Variants in ADARB2 observed in about 807,000 individuals in gnomAD.
ADARB2 encodes inactive double-stranded RNA-specific editase B2.
ADARB2 carries 25 observed loss-of-function variants against 62.2 expected under a neutral mutation model. The observed-to-expected ratio is 0.40, with a 90% confidence interval of 0.29 to 0.56. The LOEUF is 0.56. Ranked by LOEUF, ADARB2 falls within the 20% of genes least tolerant of loss-of-function variation. ADARB2 has a pLI of 0.43. For missense variants in ADARB2, 1,071 were observed against 1,077.4 expected, an observed-to-expected ratio of 0.99 and a Z score of 0.08; for synonymous variants, 572 against 500.8, an observed-to-expected ratio of 1.14 and a Z score of -1.90.
chr10:1,579,338 G>A (rs192270885), intron 1 of ADARB2, among the ~76,000 whole-genome samples: 1 of 152,300 alleles, frequency 6.6e-6, no homozygotes, highest in Admixed American at 6.5e-5. Flanking sequence ...ATGGTTATGT[G>A]TGCCGCTGAA....
chr10:1,553,631 C>T (rs1832660364), intron 1 of ADARB2, among the ~76,000 whole-genome samples: 2 of 152,190 alleles, frequency 1.3e-5, no homozygotes, highest in Admixed American at 1.3e-4. Flanking sequence ...CCGGCTTCTT[C>T]TCTGTTTGAT....
intron 1 of ADARB2, among the ~76,000 whole-genome samples, chr10:1,543,053 A>G (rs1832460535): frequency 6.6e-6 from 1 of 152,236 alleles, no homozygotes; most frequent in Non-Finnish European, 1.5e-5. Flanking sequence ...CAGGCCTGTT[A>G]CAGCGACGGT....
intron 1 of ADARB2, among the ~76,000 whole-genome samples, chr10:1,618,937 C>T (rs747295990): frequency 1.2e-4 from 19 of 152,276 alleles, no homozygotes; most frequent in Non-Finnish European, 2.4e-4. Context: ...CCCCCTGCAG[C>T]TTGTAGAAGT....
At chr10:1,469,035 C>A (rs1831290705) in intron 1 of ADARB2, among the ~76,000 whole-genome samples, 1 of 152,204 alleles carries the variant, frequency 6.6e-6, no homozygotes, top group African/African-American at 2.4e-5. Flanking sequence ...CACAGCAACG[C>A]TTTCTCGCTA....
chr10:1,219,929 G>T (rs1453203275), intron 6 of ADARB2, among the ~76,000 whole-genome samples: 2 of 146,414 alleles, frequency 1.4e-5, no homozygotes, highest in Non-Finnish European at 3.0e-5. Flanking sequence ...TGATGGTGAT[G>T]GTGATGATGG....
intron 1 of ADARB2, among the ~76,000 whole-genome samples, chr10:1,729,426 T>C (rs753689870): frequency 6.6e-6 from 1 of 152,186 alleles, no homozygotes; most frequent in Non-Finnish European, 1.5e-5. Context: ...ATAAGCCCAA[T>C]GCAAGCACAG....
At chr10:1,317,014 C>T (rs1050544451) in intron 3 of ADARB2, among the ~76,000 whole-genome samples, 2 of 152,222 alleles carry the variant, frequency 1.3e-5, no homozygotes, top group African/African-American at 4.8e-5. Context: ...TCTTGAGCTG[C>T]CACTGCTCAG....
chr10:1,732,729 C>T (rs1351721847), intron 1 of ADARB2, among the ~76,000 whole-genome samples: 1 of 152,304 alleles, frequency 6.6e-6, no homozygotes, highest in East Asian at 1.9e-4. Flanking sequence ...CCGGCGGGGA[C>T]GACTGTAGCA....
chr10:1,446,028 G>A (rs1476489645), intron 1 of ADARB2, among the ~76,000 whole-genome samples: 1 of 151,274 alleles, frequency 6.6e-6, no homozygotes, highest in Non-Finnish European at 1.5e-5. Context: ...CTAGAGTAAG[G>A]TTCTATCTTT....
intron 3 of ADARB2, among the ~76,000 whole-genome samples, chr10:1,311,113 G>A (rs180792843): frequency 9.8e-4 from 149 of 152,266 alleles, no homozygotes; most frequent in Admixed American, 2.1e-3. Flanking sequence ...GGTCACTCAG[G>A]AGACCTGACT....
chr10:1,684,319 C>T (rs1349567653), intron 1 of ADARB2, among the ~76,000 whole-genome samples: 2 of 152,084 alleles, frequency 1.3e-5, no homozygotes, highest in African/African-American at 2.4e-5. Context: ...AGGGCCTGTA[C>T]GAAAACCTAA....
intron 1 of ADARB2, among the ~76,000 whole-genome samples, chr10:1,646,384 G>C (rs1208051479): frequency 1.3e-5 from 2 of 152,250 alleles, no homozygotes; most frequent in African/African-American, 2.4e-5. Context: ...CTCTCTGCAT[G>C]TTCTTGGCAT....
At chr10:1,675,214 A>G (rs1489371020) in intron 1 of ADARB2, 2 of 966,494 alleles carry the variant, frequency 2.1e-6, no homozygotes, top group Non-Finnish European at 2.4e-6. Flanking sequence ...GTTTGGGTTC[A>G]GGGATGCATG....
chr10:1,510,091 C>CT (rs1831905538), intron 1 of ADARB2, among the ~76,000 whole-genome samples: 6 of 141,462 alleles, frequency 4.2e-5, no homozygotes, highest in Non-Finnish European at 7.7e-5. Context: ...TTCTCTCTCT[C>CT]TCTCTTTTCT....
At chr10:1,695,168 G>A (rs1834723692) in intron 1 of ADARB2, among the ~76,000 whole-genome samples, 1 of 152,150 alleles carries the variant, frequency 6.6e-6, no homozygotes, top group African/African-American at 2.4e-5. Flanking sequence ...GTCACTTCTT[G>A]GAACCTCTGA....
rs148669822 is a variant in ADARB2 at position 1,727,908 on chromosome 10, C to T, written c.100+9143G>A. On this transcript the variant is annotated intron_variant, in intron 1 of 9. Transcript: ENST00000381312. ...AATAAATAAATAAATAAGACTCATGCCCAATACAGTTTTTGTCTAAAGACA... is the reference window on the plus strand; with the variant it reads ...AATAAATAAATAAATAAGACTCATGTCCAATACAGTTTTTGTCTAAAGACA... 2.9e-3 allele frequency among the ~76,000 whole-genome samples: 440 copies of T among 152,274 alleles called. 2 individuals carry two copies. The highest frequency in any genetic ancestry group is 0.01 in the African/African-American group (424 of 41,544).
chr10:1,510,569 G>A (rs1831924134), intron 1 of ADARB2, among the ~76,000 whole-genome samples: 1 of 152,160 alleles, frequency 6.6e-6, no homozygotes, highest in Admixed American at 6.5e-5. Flanking sequence ...AATTTGAAAG[G>A]TGTCTTAAAC....
chr10:1,504,219 C>T (rs1831805211), intron 1 of ADARB2, among the ~76,000 whole-genome samples: 1 of 152,172 alleles, frequency 6.6e-6, no homozygotes, highest in Admixed American at 6.5e-5. Flanking sequence ...AACACGGAGC[C>T]CATCGCTTCC....
At chr10:1,416,083 G>A (rs899842339) in intron 1 of ADARB2, among the ~76,000 whole-genome samples, 7 of 152,218 alleles carry the variant, frequency 4.6e-5, no homozygotes, top group Non-Finnish European at 7.3e-5. Context: ...TGTGCCATCC[G>A]TGAAGATCTA....
Sources: allele counts gnomAD v4.1 joint callset (sites outside exome capture counted in the v4.1 genomes callset), GRCh38; gene constraint gnomAD v4.1.1; transcripts MANE v1.5; gene names NCBI Gene and HGNC (gene_info 2026-07-23, HGNC 2026-07-21).